ASH1L: variants seen among roughly 807,000 people sequenced by gnomAD.
The protein encoded by ASH1L is histone-lysine N-methyltransferase ASH1L.
A neutral mutation model predicts 269.0 loss-of-function variants in ASH1L; 23 were observed. The ratio of observed to expected loss-of-function variants is 0.09; its 90% CI spans 0.06 to 0.12. The LOEUF (loss-of-function observed/expected upper bound fraction) is 0.12. Ranked by LOEUF, ASH1L falls within the 10% of genes least tolerant of loss-of-function variation. The probability of loss-of-function intolerance (pLI) is 1.00; values close to 1 mark genes in which losing one functional copy is unlikely to be tolerated. For synonymous variants in ASH1L, 1,187 were observed against 1,253.5 expected (o/e 0.95, Z 1.12); for missense variants, 2,912 against 3,567.8 (o/e 0.82, Z 4.68).
chr1:155,543,789 G>A (rs1481758741), intron 1 of ASH1L, among the ~76,000 whole-genome samples: 1 of 151,762 alleles, frequency 6.6e-6, no homozygotes, highest in Non-Finnish European at 1.5e-5. Context: ...AAAATTAGCT[G>A]AGCCTGGTGA....
At chr1:155,434,887 G>A (rs1661957015) in intron 5 of ASH1L, among the ~76,000 whole-genome samples, 1 of 152,000 alleles carries the variant, frequency 6.6e-6, no homozygotes, top group Admixed American at 6.6e-5. Context: ...GCTGGGTGTG[G>A]TGAGTCATGC....
chr1:155,361,146 G>C (rs1570996316), intron 12 of ASH1L, among the ~76,000 whole-genome samples: 1 of 152,058 alleles, frequency 6.6e-6, no homozygotes, highest in East Asian at 1.9e-4. Context: ...CATTTTGGGA[G>C]GCCGAGGAGG....
At chr1:155,347,929 A>G in intron 19 of ASH1L, 25 bp from the exon 20 acceptor site, 1 of 1,611,344 alleles carries the variant, frequency 6.2e-7, no homozygotes, top group Non-Finnish European at 8.5e-7. Context: ...TAAAGAAATC[A>G]TGTTTGGTTC....
chr1:155,546,330 CAA>C (rs1172676697), intron 1 of ASH1L, among the ~76,000 whole-genome samples: 8 of 113,508 alleles, frequency 7.0e-5, no homozygotes, highest in Non-Finnish European at 5.7e-5. Context: ...GACTCTGACT[CAA>C]AAAAAAAAAA....
intron 4 of ASH1L, among the ~76,000 whole-genome samples, chr1:155,447,735 T>C (rs979370651): frequency 1.3e-5 from 2 of 152,240 alleles, no homozygotes; most frequent in African/African-American, 4.8e-5. Flanking sequence ...TATAGAGTGG[T>C]TTGAATTTAC....
At chr1:155,388,976 T>G (rs932021987) in intron 7 of ASH1L, among the ~76,000 whole-genome samples, 1 of 151,940 alleles carries the variant, frequency 6.6e-6, no homozygotes, top group South Asian at 2.1e-4. Context: ...CCCAAAGTGC[T>G]GGGATTACAG....
rs1430370881 is a variant in ASH1L, at chr1:155,374,301, G to T, written c.6333-3318C>A. ...GATGGTGCCACTGCACTCCAGCCTG[G>T]GTGACAGAGCGAGACTGTCTCAAAA... On this transcript the variant is annotated intron_variant, in intron 10 of 27. Coordinates refer to ENST00000392403, the MANE Select transcript of ASH1L (RefSeq NM_018489.3). 4.6e-5 allele frequency among the ~76,000 whole-genome samples: 7 copies of T among 152,028 alleles called. 1 individual carries two copies. Among genetic ancestry groups the T allele is most frequent in the African/African-American group, 1.7e-4 (7 of 41,368 alleles).
Position 155,481,083 on chromosome 1 carries a change from G to A in ASH1L, c.1787C>T (p.Ser596Phe). 6.2e-7 allele frequency: 1 copy of A among 1,614,072 alleles called. No individual in the cohort carries two copies. The highest frequency in any genetic ancestry group is 8.5e-7 in the Non-Finnish European group (1 of 1,179,976). The stretch of plus-strand genomic sequence containing the variant: ...AAACTGGTTCTTTCCAACAGATTCA[G>A]AAATTTCTTCGATTAGTTCTGTAGT... ...SSTTELIEEI[S>F]ESVGKNQFTS... is the part of the protein sequence containing the mutation. Residue 596 changes from serine (S) to phenylalanine (F), a missense_variant, in exon 3 of 28, where the codon TCT (serine) becomes TTT (phenylalanine). This residue lies in a region of ASH1L where 715 missense variants were observed against 721.0 expected (regional missense o/e 0.99). Coordinates refer to ENST00000392403, the MANE Select transcript of ASH1L (RefSeq NM_018489.3).
intron 4 of ASH1L, among the ~76,000 whole-genome samples, chr1:155,453,120 C>T (rs1395113798): frequency 6.6e-6 from 1 of 151,952 alleles, no homozygotes; most frequent in African/African-American, 2.4e-5. Context: ...TTTGGGGGGC[C>T]GAGGCAGGCA....
At chr1:155,506,228 C>A (rs1188784574) in intron 2 of ASH1L, among the ~76,000 whole-genome samples, 1 of 152,136 alleles carries the variant, frequency 6.6e-6, no homozygotes, top group Non-Finnish European at 1.5e-5. Context: ...CTATTATTAT[C>A]TAACAAATAC....
chr1:155,465,308 A>AC (rs1402739165), intron 3 of ASH1L, among the ~76,000 whole-genome samples: 2 of 151,296 alleles, frequency 1.3e-5, no homozygotes, highest in Non-Finnish European at 2.9e-5. Context: ...AAAAAAAAAA[A>AC]AAAACAGTGA....
At chr1:155,419,424 A>T (rs1356592740) in intron 5 of ASH1L, 1 of 152,172 alleles carries the variant, frequency 6.6e-6, no homozygotes, top group African/African-American at 2.4e-5. Context: ...ACATATACTA[A>T]AATTGGAACA....
chr1:155,440,792 C>T (rs1430228924), intron 4 of ASH1L, among the ~76,000 whole-genome samples: 1 of 152,136 alleles, frequency 6.6e-6, no homozygotes. Context: ...TAATTGTCTA[C>T]TTTTGCATGT....
intron 1 of ASH1L, among the ~76,000 whole-genome samples, chr1:155,529,964 AAAAAAAAAT>A (rs1243421038): frequency 2.0e-5 from 3 of 150,476 alleles, no homozygotes; most frequent in East Asian, 3.9e-4. Flanking sequence ...ACTCTGTCTC[AAAAAAAAAT>A]AAAAAAAATA....
chr1:155,513,096 T>C (rs1175327410), intron 2 of ASH1L, among the ~76,000 whole-genome samples: 1 of 151,920 alleles, frequency 6.6e-6, no homozygotes, highest in Non-Finnish European at 1.5e-5. Flanking sequence ...TAATAAATTA[T>C]AAATATAATG....
intron 1 of ASH1L, among the ~76,000 whole-genome samples, chr1:155,532,192 G>A (rs556177234): frequency 6.6e-6 from 1 of 152,206 alleles, no homozygotes; most frequent in Admixed American, 6.5e-5. Context: ...GGAACAATGT[G>A]GGACAGTCTG....
rs1448973615 is a variant in ASH1L at position 155,480,822 on chromosome 1, T to C, written c.2048A>G (p.Lys683Arg). ...GTCTGATGCAGATACTGCACCCAGT[T>C]TTAAAAAAGGCTTATTACTAAATAA... Reference protein sequence around the residue: ...TSLFSNKPFLKLGAVSASDKH... With the variant: ...TSLFSNKPFLRLGAVSASDKH... The change falls in exon 3 of 28, where the codon AAA (lysine) becomes AGA (arginine). Residue 683 changes from lysine (K) to arginine (R), a missense_variant. By Grantham distance (26) the Lys-to-Arg change is conservative. Coordinates refer to ENST00000392403, the MANE Select transcript of ASH1L (RefSeq NM_018489.3). 1 of 1,613,974 alleles carries C rather than the reference T, an allele frequency of 6.2e-7. No individual in the cohort carries two copies. The highest frequency in any genetic ancestry group is 8.5e-7 in the Non-Finnish European group (1 of 1,179,958).
intron 4 of ASH1L, 43 bp from the exon 5 acceptor site, chr1:155,439,111 G>C (rs747794844): frequency 6.5e-7 from 1 of 1,541,146 alleles, no homozygotes; most frequent in South Asian, 1.3e-5. Context: ...ATTGGACACG[G>C]CTAGTTATTT....
intron 5 of ASH1L, among the ~76,000 whole-genome samples, chr1:155,428,990 G>A (rs1410195818): frequency 4.6e-5 from 7 of 152,026 alleles, no homozygotes; most frequent in African/African-American, 1.2e-4. Flanking sequence ...GGGTCTCCCC[G>A]ACCGAGCTGG....
Sources: allele counts gnomAD v4.1 joint callset (sites outside exome capture counted in the v4.1 genomes callset), GRCh38; gene constraint gnomAD v4.1.1; regional missense constraint gnomAD v4.1.1; transcripts MANE v1.5; gene names NCBI Gene and HGNC (gene_info 2026-07-23, HGNC 2026-07-21).